The following ZMYM4 variants were observed in gnomAD, a reference collection of about 807,000 sequenced individuals.
ZMYM4 encodes the protein zinc finger MYM-type protein 4.
A neutral mutation model predicts 183.2 loss-of-function variants in ZMYM4; 31 were observed. The observed-to-expected ratio is 0.17, with a 90% CI of 0.13 to 0.23. The LOEUF (loss-of-function observed/expected upper bound fraction) is 0.23. ZMYM4 is among the 10% of genes least tolerant of loss of function. The probability of loss-of-function intolerance (pLI) is 1.00; values close to 1 mark genes in which losing one functional copy is unlikely to be tolerated. For synonymous variants in ZMYM4, 592 were observed against 631.2 expected, an observed-to-expected ratio of 0.94 and a Z score of 0.93; for missense variants, 1,273 against 1,840.3, an observed-to-expected ratio of 0.69 and a Z score of 5.64.
At chr1:35,350,824 C>A in intron 2 of ZMYM4, 1 of 521,838 alleles carries the variant, frequency 1.9e-6, no homozygotes, top group Non-Finnish European at 3.5e-6. Flanking sequence ...TGCTTGGAAA[C>A]GCTTAGTGAT....
At chr1:35,332,257 A>G (rs1222417559) in intron 2 of ZMYM4, among the ~76,000 whole-genome samples, 2 of 152,168 alleles carry the variant, frequency 1.3e-5, no homozygotes, top group East Asian at 3.8e-4. Context: ...AGAGCCTTCT[A>G]AATTATGTAA....
intron 1 of ZMYM4, among the ~76,000 whole-genome samples, chr1:35,297,103 G>T (rs1324287075): frequency 3.3e-5 from 5 of 151,764 alleles, no homozygotes; most frequent in African/African-American, 1.2e-4. Context: ...ACCTGCCCTG[G>T]CCTTCCAAAG....
At chr1:35,413,349 A>G (rs1004551239) in intron 26 of ZMYM4, among the ~76,000 whole-genome samples, 2 of 152,184 alleles carry the variant, frequency 1.3e-5, no homozygotes, top group East Asian at 1.9e-4. Flanking sequence ...TTTTTAAACT[A>G]TAGGTATTCT....
intron 1 of ZMYM4, among the ~76,000 whole-genome samples, chr1:35,280,827 T>C (rs1025203543): frequency 6.6e-6 from 1 of 152,130 alleles, no homozygotes; most frequent in Non-Finnish European, 1.5e-5. Context: ...ATGATCTCAT[T>C]TCAAGACCCT....
intron 2 of ZMYM4, chr1:35,350,639 C>A: frequency 5.7e-5 from 11 of 194,394 alleles, no homozygotes; most frequent in South Asian, 3.5e-4. Flanking sequence ...TGATTAAAAA[C>A]AAAAATGTGC....
chr1:35,336,594 A>G (rs536676826), intron 2 of ZMYM4, among the ~76,000 whole-genome samples: 2 of 152,094 alleles, frequency 1.3e-5, no homozygotes, highest in Non-Finnish European at 2.9e-5. Context: ...TAGTAGAGAC[A>G]GGACTGTACC....
chr1:35,313,390 CT>C (rs36112055), intron 1 of ZMYM4, among the ~76,000 whole-genome samples: 43 of 131,534 alleles, frequency 3.3e-4, no homozygotes, highest in South Asian at 1.2e-3. Flanking sequence ...TTTTCTTTTT[CT>C]TTTTTTTTTT....
intron 3 of ZMYM4, among the ~76,000 whole-genome samples, chr1:35,359,877 C>T (rs979523868): frequency 1.3e-5 from 2 of 148,672 alleles, no homozygotes; most frequent in African/African-American, 5.0e-5. Flanking sequence ...TTAACTCTCA[C>T]CTCTATCTGA....
In ZMYM4 at chr1:35,381,695, G is replaced by A. The variant is rs1290212986; in HGVS notation, c.1506G>A (p.Met502Ile). 2 of 1,614,116 alleles carry A rather than the reference G, an allele frequency of 1.2e-6. No individual in the cohort carries two copies. The highest frequency in any genetic ancestry group is 1.3e-5 in the African/African-American group (1 of 74,938). The change falls in exon 9 of 30, where the codon ATG becomes ATA. Residue 502 changes from methionine to isoleucine, a missense_variant. By Grantham distance (10) the Met-to-Ile change is conservative. This residue lies in a region of ZMYM4 where 319 missense variants were observed against 518.1 expected (regional missense o/e 0.62). Transcript: ENST00000314607. ...ACAGTGGGTCGGGACAATGCCACAT[G>A]CTTCAGATAGAGGGACAGTCTAAGA... is the stretch of plus-strand genomic sequence containing the variant. ...YCYSGSGQCH[M>I]LQIEGQSKKF...
intron 2 of ZMYM4, among the ~76,000 whole-genome samples, chr1:35,354,054 T>C (rs1643724976): frequency 6.6e-6 from 1 of 151,786 alleles, no homozygotes; most frequent in Non-Finnish European, 1.5e-5. Flanking sequence ...GAGGCTGAGA[T>C]GGGAGGATCA....
chr1:35,291,829 G>C (rs1318911718), intron 1 of ZMYM4, among the ~76,000 whole-genome samples: 1 of 151,846 alleles, frequency 6.6e-6, no homozygotes, highest in Non-Finnish European at 1.5e-5. Flanking sequence ...GTAGATACAG[G>C]GTTTCACCAT....
chr1:35,343,017 T>G (rs903006135), intron 2 of ZMYM4, among the ~76,000 whole-genome samples: 1 of 152,046 alleles, frequency 6.6e-6, no homozygotes, highest in Non-Finnish European at 1.5e-5. Flanking sequence ...TGGATACAAG[T>G]CTCAATAGAT....
At chr1:35,315,051 A>AATT (rs1291000777) in intron 1 of ZMYM4, among the ~76,000 whole-genome samples, 1 of 141,828 alleles carries the variant, frequency 7.1e-6, no homozygotes, top group Non-Finnish European at 1.5e-5. Flanking sequence ...AAACAAAAAA[A>AATT]ACAAAAGTAA....
At chr1:35,392,522 C>A (rs777064671) in intron 16 of ZMYM4, 125 bp from the exon 17 acceptor site, 1 of 1,281,914 alleles carries the variant, frequency 7.8e-7, no homozygotes, top group Non-Finnish European at 1.1e-6. Flanking sequence ...TAGTTTCTTC[C>A]GTTGAATTAA....
intron 9 of ZMYM4, among the ~76,000 whole-genome samples, chr1:35,383,428 T>C (rs1248084593): frequency 6.6e-6 from 1 of 152,180 alleles, no homozygotes; most frequent in African/African-American, 2.4e-5. Flanking sequence ...GGAACATTCT[T>C]GTTAATTGTT....
chr1:35,351,621 C>T (rs754459927), intron 2 of ZMYM4: 339 of 631,676 alleles, frequency 5.4e-4, no homozygotes, highest in Non-Finnish European at 5.9e-5. Context: ...AAACAATTTT[C>T]TATGAGGATT....
At chr1:35,330,391 C>A (rs1328664794) in intron 2 of ZMYM4, among the ~76,000 whole-genome samples, 1 of 152,100 alleles carries the variant, frequency 6.6e-6, no homozygotes, top group South Asian at 2.1e-4. Flanking sequence ...GTGTGACTTC[C>A]ATTTTCAAGG....
chr1:35,358,961 T>G lies in ZMYM4; in HGVS notation c.122T>G (p.Ile41Arg). 6.2e-7 allele frequency: 1 copy of G among 1,613,562 alleles called. No homozygotes were observed. Among genetic ancestry groups the G allele is most frequent in the Non-Finnish European group, 8.5e-7 (1 of 1,179,624 alleles). Residue 41 changes from isoleucine to arginine, a missense_variant, in exon 3 of 30, where the codon ATA becomes AGA. By Grantham distance (97) the Ile-to-Arg change is moderately conservative. Coordinates refer to ENST00000314607, the MANE Select transcript of ZMYM4 (RefSeq NM_005095.3). ...ATGGATACAGAAATGTCTGAAGATA[T>G]AGACCACAACTTAACTCCTACCCTT... ...GIMDTEMSED[I>R]DHNLTPTLDS... is the part of the protein sequence containing the mutation.
chr1:35,411,841 A>G (rs1442744777), intron 26 of ZMYM4, among the ~76,000 whole-genome samples: 1 of 151,920 alleles, frequency 6.6e-6, no homozygotes, highest in Non-Finnish European at 1.5e-5. Flanking sequence ...CTTCTCAAGT[A>G]TTTTATTCTT....
Sources: gnomAD v4.1 joint callset for allele counts (sites outside exome capture counted in the v4.1 genomes callset) on GRCh38, gnomAD v4.1.1 for gene constraint, gnomAD v4.1.1 regional missense constraint, MANE v1.5 for transcripts, NCBI Gene and HGNC (gene_info 2026-07-23, HGNC 2026-07-21) for gene names.